The following MAGI1 variants were observed in gnomAD, a reference collection of about 807,000 sequenced individuals.
The protein encoded by MAGI1 is membrane-associated guanylate kinase, WW and PDZ domain-containing protein 1.
MAGI1 carries 58 observed loss-of-function variants against 139.9 expected under a neutral mutation model. That is an observed-to-expected ratio of 0.41 (90% CI 0.34 to 0.52). The LOEUF (loss-of-function observed/expected upper bound fraction) is 0.52, where lower values mean the gene tolerates loss of function less well. MAGI1 is among the 20% of genes least tolerant of loss of function. MAGI1 has a pLI of 0.12. For missense variants in MAGI1, 1,874 were observed against 1,901.6 expected (o/e 0.99, Z 0.27); for synonymous variants, 812 against 737.9 (o/e 1.10, Z -1.63).
intron 2 of MAGI1, among the ~76,000 whole-genome samples, chr3:65,582,309 T>C (rs1371798417): frequency 7.9e-5 from 12 of 152,164 alleles, no homozygotes; most frequent in Admixed American, 7.9e-4. Context: ...TGTTTCTGAT[T>C]CTACCCAGCA....
intron 1 of MAGI1, among the ~76,000 whole-genome samples, chr3:65,928,749 A>C (rs1296264200): frequency 6.6e-6 from 1 of 152,150 alleles, no homozygotes; most frequent in Admixed American, 6.6e-5. Context: ...TTTAAAACCT[A>C]CGTTTTCAAA....
intron 20 of MAGI1, among the ~76,000 whole-genome samples, chr3:65,364,383 G>A (rs1212065936): frequency 6.6e-6 from 1 of 152,054 alleles, no homozygotes; most frequent in Non-Finnish European, 1.5e-5. Context: ...AATACTATGA[G>A]TAGATATTGG....
rs550501037 is a variant in MAGI1 at position 65,483,509 on chromosome 3, G to A, written c.551-4711C>T. Among the ~76,000 whole-genome samples the A allele has an allele frequency of 3.9e-5, 6 of 152,284 alleles. No homozygotes were observed. The East Asian group carries it at 5.8e-4, about 15-fold the overall frequency. ...AACACAAACCTTACAGACAGTATGC[G>A]CGACTTAACAGTATTAAATAAAAAT... On this transcript the variant is annotated intron_variant, in intron 3 of 22. Coordinates refer to ENST00000402939, the MANE Select transcript of MAGI1 (RefSeq NM_001033057.2).
chr3:65,935,067 G>C (rs943774902), intron 1 of MAGI1, among the ~76,000 whole-genome samples: 58 of 152,244 alleles, frequency 3.8e-4, no homozygotes, highest in African/African-American at 1.4e-3. Flanking sequence ...TTCGATCAAA[G>C]AAGAGAGGTT....
intron 1 of MAGI1, among the ~76,000 whole-genome samples, chr3:65,778,473 G>A (rs997993749): frequency 1.4e-5 from 2 of 143,002 alleles, no homozygotes; most frequent in Non-Finnish European, 1.5e-5. Context: ...GAGAAATGCA[G>A]GAAGGGTTCA....
At chr3:66,013,514 C>G (rs1346093926) in intron 1 of MAGI1, among the ~76,000 whole-genome samples, 7 of 151,578 alleles carry the variant, frequency 4.6e-5, no homozygotes, top group African/African-American at 1.7e-4. Flanking sequence ...GTAATCCCAG[C>G]ACTTTGGGAG....
At chr3:65,950,090 C>CA (rs1269489815) in intron 1 of MAGI1, among the ~76,000 whole-genome samples, 5 of 17,062 alleles carry the variant, frequency 2.9e-4, no homozygotes, top group African/African-American at 5.0e-4. Flanking sequence ...AAAAAAAAAA[C>CA]AAACAAAAAA....
rs1426745026 is a variant in MAGI1, at chr3:65,355,744, T to C, written c.*634A>G. ...AGTACAAACTGTTTTCTGAACCAAC[T>C]ATAACTCACAATATAAAACTTCTTT... On this transcript the variant is annotated 3_prime_UTR_variant, in exon 23 of 23. Transcript: ENST00000402939. 6.6e-6 allele frequency: 1 copy of C among 152,638 alleles called. No individual in the cohort carries two copies. Among genetic ancestry groups the C allele is most frequent in the Non-Finnish European group, 1.5e-5 (1 of 68,044 alleles). 9.5% of individuals were successfully genotyped at this position (152,638 alleles called of 1,614,324 possible).
At chr3:65,866,913 C>T (rs1168664629) in intron 1 of MAGI1, among the ~76,000 whole-genome samples, 2 of 152,168 alleles carry the variant, frequency 1.3e-5, no homozygotes, top group Non-Finnish European at 2.9e-5. Flanking sequence ...AGACTGTGGT[C>T]AATCAGCTGG....
chr3:65,359,007 G>A (rs1253110861), intron 22 of MAGI1: 4 of 1,453,532 alleles, frequency 2.8e-6, no homozygotes, highest in South Asian at 2.3e-5. Context: ...CTAAGCAGAA[G>A]CAATGAGGAA....
At chr3:65,609,281 T>G (rs908790505) in intron 2 of MAGI1, among the ~76,000 whole-genome samples, 4 of 146,968 alleles carry the variant, frequency 2.7e-5, no homozygotes, top group African/African-American at 1.1e-4. Flanking sequence ...TCTCTCTTTT[T>G]TTTGTTTTTT....
intron 1 of MAGI1, among the ~76,000 whole-genome samples, chr3:65,880,018 T>C (rs1426638099): frequency 6.6e-6 from 1 of 152,178 alleles, no homozygotes; most frequent in Non-Finnish European, 1.5e-5. Context: ...CCCAGCACTT[T>C]GGGAGGCCGA....
chr3:65,839,257 G>A (rs183644210), intron 1 of MAGI1, among the ~76,000 whole-genome samples: 63 of 152,224 alleles, frequency 4.1e-4, no homozygotes, highest in African/African-American at 1.5e-3. Context: ...TGATACTGAT[G>A]TAAAAAAAAC....
intron 1 of MAGI1, among the ~76,000 whole-genome samples, chr3:65,738,661 T>G (rs2107769730): frequency 6.6e-6 from 1 of 152,344 alleles, no homozygotes; most frequent in South Asian, 2.1e-4. Flanking sequence ...AGGGATGCTG[T>G]GTTAACAGGC....
At chr3:65,493,682 G>A (rs549147302) in intron 2 of MAGI1, 51 bp from the exon 3 acceptor site, 1 of 1,608,326 alleles carries the variant, frequency 6.2e-7, no homozygotes, top group Non-Finnish European at 8.5e-7. Context: ...ACTAAAACAG[G>A]AAGTTCCACA....
intron 2 of MAGI1, among the ~76,000 whole-genome samples, chr3:65,537,677 T>A (rs1371171097): frequency 6.6e-6 from 1 of 152,070 alleles, no homozygotes; most frequent in Non-Finnish European, 1.5e-5. Context: ...ACCTCCCAAC[T>A]TTTCGCCTTC....
intron 1 of MAGI1, among the ~76,000 whole-genome samples, chr3:65,863,485 T>C (rs572085833): frequency 1.2e-4 from 18 of 152,342 alleles, no homozygotes; most frequent in African/African-American, 4.3e-4. Context: ...TATCATTAAG[T>C]AGTATGCCCA....
chr3:65,383,542 G>A lies in MAGI1; in HGVS notation c.2498C>T (p.Pro833Leu). The change falls in exon 15 of 23, where the codon CCA becomes CTA. Residue 833 changes from proline (P) to leucine (L), a missense_variant. Around this residue, in one of 5 missense-constraint regions of MAGI1, gnomAD observed 482 missense variants for 509.6 expected, o/e 0.95. Transcript: ENST00000402939. Reference sequence around the variant, plus strand: ...AAGCAAAAGACTCACAGGTTCCCCTGGTTCATTTCCACCCAGAATCCTAAA... The same window carrying A: ...AAGCAAAAGACTCACAGGTTCCCCTAGTTCATTTCCACCCAGAATCCTAAA... ...FGFRILGGNE[P>L]GEPIYIGHIV... 6.2e-7 allele frequency: 1 copy of A among 1,612,058 alleles called. No homozygotes were observed. The highest frequency in any genetic ancestry group is 8.5e-7 in the Non-Finnish European group (1 of 1,178,178).
At chr3:65,710,189 G>A (rs768076164) in intron 1 of MAGI1, among the ~76,000 whole-genome samples, 4 of 150,662 alleles carry the variant, frequency 2.7e-5, no homozygotes, top group South Asian at 4.2e-4. Context: ...GCAGACAAGC[G>A]ATCAGTGAAA....
Sources: gnomAD v4.1 joint callset for allele counts (sites outside exome capture counted in the v4.1 genomes callset) on GRCh38, gnomAD v4.1.1 for gene constraint, gnomAD v4.1.1 regional missense constraint, MANE v1.5 for transcripts, NCBI Gene and HGNC (gene_info 2026-07-23, HGNC 2026-07-21) for gene names.